The following NCOR2 variants were observed in gnomAD, a reference collection of about 807,000 sequenced individuals.
The protein encoded by NCOR2 is nuclear receptor corepressor 2.
A neutral mutation model predicts 262.9 loss-of-function variants in NCOR2; 81 were observed. That is an observed-to-expected ratio of 0.31 (90% CI 0.26 to 0.37). The LOEUF (loss-of-function observed/expected upper bound fraction) is 0.37, where lower values mean the gene tolerates loss of function less well. Ranked by LOEUF, NCOR2 falls within the 10% of genes least tolerant of loss-of-function variation. The pLI, the probability that NCOR2 is intolerant of heterozygous loss-of-function variation, is 1.00. For missense variants in NCOR2, 3,385 were observed against 3,621.4 expected, an observed-to-expected ratio of 0.93 and a Z score of 1.68; for synonymous variants, 1,659 against 1,559.3, an observed-to-expected ratio of 1.06 and a Z score of -1.51.
chr12:124,340,154 G>A lies in NCOR2; in HGVS notation c.5539C>T (p.Arg1847Cys), dbSNP rs376286347. 1.1e-4 allele frequency: 168 copies of A among 1,582,262 alleles called. No individual in the cohort carries two copies. In the East Asian group the frequency reaches 1.1e-3, roughly 10 times the overall value. Residue 1847 changes from arginine (R) to cysteine (C), a missense_variant, in exon 37 of 47, where the codon CGC becomes TGC. Around this residue, in one of 5 missense-constraint regions of NCOR2, gnomAD observed 1,017 missense variants for 967.2 expected, o/e 1.05. Transcript: ENST00000405201. ...TGGGCATGGGAGTGGGAGGCGGGGCGGCTGCTGCTGCCCCCACCCCCGCCG... is the reference window on the plus strand; with the variant it reads ...TGGGCATGGGAGTGGGAGGCGGGGCAGCTGCTGCTGCCCCCACCCCCGCCG...
chr12:124,563,502 C>T (rs900348277), intron 1 of NCOR2, among the ~76,000 whole-genome samples: 6 of 152,242 alleles, frequency 3.9e-5, no homozygotes, highest in Admixed American at 2.0e-4. Flanking sequence ...GGAATGAAGC[C>T]GCCATCTGCC....
At chr12:124,445,100 G>A (rs1332511990) in intron 7 of NCOR2, among the ~76,000 whole-genome samples, 2 of 152,216 alleles carry the variant, frequency 1.3e-5, no homozygotes, top group African/African-American at 2.4e-5. Flanking sequence ...AGAGAAAAAC[G>A]AGCAACGGAA....
intron 3 of NCOR2, among the ~76,000 whole-genome samples, chr12:124,474,744 G>A (rs1046078652): frequency 3.3e-5 from 5 of 152,102 alleles, no homozygotes. Flanking sequence ...CTGGCATACC[G>A]TAAGCCTCAA....
At chr12:124,469,560 G>A (rs1326554173) in intron 4 of NCOR2, among the ~76,000 whole-genome samples, 2 of 152,200 alleles carry the variant, frequency 1.3e-5, no homozygotes, top group African/African-American at 4.8e-5. Flanking sequence ...GACACCTACA[G>A]AGACCCAGCT....
At position 124,374,464 on chromosome 12, in the gene NCOR2, C is replaced by A; in HGVS notation, c.2168-1G>T. 1 of 1,612,286 alleles carries A rather than the reference C, an allele frequency of 6.2e-7. No homozygotes were observed. The highest frequency in any genetic ancestry group is 8.5e-7 in the Non-Finnish European group (1 of 1,179,494). ...ACCTCATTCCCAGAGGCATGTAAGG[C>A]TGGAAGGAAGTCAGAGAAGAGTTAG... On this transcript the variant is annotated splice_acceptor_variant, in intron 18 of 46. Transcript: ENST00000405201. LOFTEE classifies it high-confidence loss of function.
intron 21 of NCOR2, among the ~76,000 whole-genome samples, chr12:124,363,219 T>G (rs926843165): frequency 6.6e-6 from 1 of 152,166 alleles, no homozygotes; most frequent in African/African-American, 2.4e-5. Context: ...GAGCCCCCAG[T>G]TGCAACTGGG....
intron 3 of NCOR2, among the ~76,000 whole-genome samples, chr12:124,479,565 A>G (rs1465034861): frequency 6.6e-6 from 1 of 152,080 alleles, no homozygotes; most frequent in African/African-American, 2.4e-5. Flanking sequence ...ACGCGCACAC[A>G]CACGCACGCG....
chr12:124,383,575 G>A (rs1316050361), intron 17 of NCOR2: 1 of 291,324 alleles, frequency 3.4e-6, no homozygotes, highest in Non-Finnish European at 5.7e-6. Flanking sequence ...CCTGAGAAGG[G>A]GGTAGATGGC....
At position 124,432,427 on chromosome 12, in the gene NCOR2, C is replaced by G. The variant is rs2136367111; in HGVS notation, c.883-1640G>C. Among the ~76,000 whole-genome samples, 1 of 152,282 alleles carries G rather than the reference C, an allele frequency of 6.6e-6. No individual in the cohort carries two copies. Among genetic ancestry groups the G allele is most frequent in the African/African-American group, 2.4e-5 (1 of 41,566 alleles). Reference sequence around the variant, plus strand: ...TGGAAGCCACCCACCATGTGTGGCTCAACTGAAATCACAAATCCAGTAAAA... The same window carrying G: ...TGGAAGCCACCCACCATGTGTGGCTGAACTGAAATCACAAATCCAGTAAAA... On this transcript the variant is annotated intron_variant, in intron 8 of 46. Coordinates refer to ENST00000405201, the Ensembl canonical transcript of NCOR2. The surrounding 1 kb of genome is among the most constrained non-coding windows in gnomAD (Gnocchi z 5.1).
rs530892271 is a variant in NCOR2 at position 124,501,490 on chromosome 12, G to A, written c.-117-6122C>T. Among the ~76,000 whole-genome samples, 308 of 145,088 alleles carry A rather than the reference G, an allele frequency of 2.1e-3. 6 individuals are homozygous for A. Among genetic ancestry groups the A allele is most frequent in the Non-Finnish European group, 2.8e-3 (187 of 66,138 alleles). On this transcript the variant is annotated intron_variant, in intron 1 of 46. Coordinates refer to the NCOR2 transcript ENST00000404621. ...TCATCAGGGCCCCACGGCCTCTGGG[G>A]GCTCTGGGGGAGGCCCTTCCTACTT...
intron 6 of NCOR2, 120 bp from the exon 9 acceptor site, chr12:124,449,987 G>A (rs568838494): frequency 2.5e-4 from 242 of 976,612 alleles, no homozygotes; most frequent in Admixed American, 1.1e-3. Context: ...GGGCTCAGCC[G>A]CAGGCAGGCA....
rs543181594 is a variant in NCOR2 at position 124,422,878 on chromosome 12, T to C, written c.1329-323A>G. Among the ~76,000 whole-genome samples, 1,117 of 152,288 alleles carry C rather than the reference T, an allele frequency of 7.3e-3. 10 individuals carry two copies. Among genetic ancestry groups the C allele is most frequent in the Non-Finnish European group, 0.013 (869 of 68,012 alleles). On this transcript the variant is annotated intron_variant, in intron 11 of 46. Coordinates refer to ENST00000405201, the Ensembl canonical transcript of NCOR2. ...AGCTCTTTGGTGGGGTTCCCCCCCC[T>C]TTAAAATCCACTTTTGTTTCTCTCT...
chr12:124,444,551 G>A (rs1250267786), intron 7 of NCOR2, among the ~76,000 whole-genome samples: 1 of 152,146 alleles, frequency 6.6e-6, no homozygotes, highest in African/African-American at 2.4e-5. Context: ...GCTGAGGCCT[G>A]AGAGAAGCAG....
rs370409704 is a variant in NCOR2 at position 124,394,071 on chromosome 12, A to G, written c.1876+4048T>C. Among the ~76,000 whole-genome samples the G allele has an allele frequency of 3.4e-3, 516 of 152,336 alleles. 3 individuals carry two copies. The highest frequency in any genetic ancestry group is 0.012 in the African/African-American group (481 of 41,582). ...AGAGGTGGCGGGGGCCGAGGCCCCA[A>G]AGTGTAGGTACCTGCTCAGGGTCAG... On this transcript the variant is annotated intron_variant, in intron 16 of 46. Coordinates refer to ENST00000405201, the Ensembl canonical transcript of NCOR2.
intron 1 of NCOR2, among the ~76,000 whole-genome samples, chr12:124,564,779 C>T (rs1328678411): frequency 6.6e-6 from 1 of 151,870 alleles, no homozygotes; most frequent in African/African-American, 2.4e-5. Context: ...TATGAATGCG[C>T]CCCCTCTCAG....
chr12:124,356,826 C>T, intron 22 of NCOR2, 44 bp from the exon 25 acceptor site: 1 of 1,433,926 alleles, frequency 7.0e-7, no homozygotes, highest in Middle Eastern at 1.8e-4. Flanking sequence ...GGAGGTGGGG[C>T]AGTCAGACCT....
chr12:124,555,468 G>A (rs542474802), intron 1 of NCOR2, among the ~76,000 whole-genome samples: 4 of 152,338 alleles, frequency 2.6e-5, no homozygotes, highest in African/African-American at 9.6e-5. Flanking sequence ...TCCGCAGGAT[G>A]TATACATGCT....
chr12:124,492,938 G>C (rs1046621283), intron 1 of NCOR2, among the ~76,000 whole-genome samples: 119 of 152,272 alleles, frequency 7.8e-4, no homozygotes, highest in Non-Finnish European at 4.1e-4. Context: ...GTCCGATATG[G>C]GGCAGCTCCC....
intron 31 of NCOR2, among the ~76,000 whole-genome samples, chr12:124,345,960 C>T (rs970541465): frequency 2.6e-5 from 4 of 152,176 alleles, no homozygotes; most frequent in South Asian, 2.1e-4. Flanking sequence ...CTCGTACCAT[C>T]GGCACGGAAC....
Sources: allele counts gnomAD v4.1 joint callset (sites outside exome capture counted in the v4.1 genomes callset), GRCh38; gene constraint gnomAD v4.1.1; regional missense constraint gnomAD v4.1.1; non-coding constraint Gnocchi (gnomAD v3.1); transcripts MANE v1.5; gene names NCBI Gene and HGNC (gene_info 2026-07-23, HGNC 2026-07-21).